Variants in DYNC1I1 observed in about 807,000 individuals in gnomAD.
DYNC1I1 encodes the protein dynein cytoplasmic 1 intermediate chain 1, also known as cytoplasmic dynein 1 intermediate chain 1.
Under a neutral mutation model 86.6 loss-of-function variants are expected in DYNC1I1, and 43 were observed. That is an observed-to-expected ratio of 0.50 (90% CI 0.39 to 0.64). DYNC1I1 has a LOEUF of 0.64. DYNC1I1 is among the 30% of genes least tolerant of loss of function. The probability of loss-of-function intolerance (pLI) is 0.00; values close to 1 mark genes in which losing one functional copy is unlikely to be tolerated. For synonymous variants in DYNC1I1, 262 were observed against 283.7 expected (o/e 0.92, Z 0.77); for missense variants, 604 against 788.8 (o/e 0.77, Z 2.81).
chr7:95,815,265 T>C (rs910454776), intron 4 of DYNC1I1, among the ~76,000 whole-genome samples: 1 of 152,198 alleles, frequency 6.6e-6, no homozygotes, highest in African/African-American at 2.4e-5. Flanking sequence ...TGAATCACTT[T>C]GGAAGAGGTG....
chr7:96,032,528 C>A, intron 11 of DYNC1I1, 139 bp from the exon 12 acceptor site: 1 of 619,706 alleles, frequency 1.6e-6, no homozygotes. Context: ...AAATCAAAAG[C>A]GGCAAATGAC....
chr7:95,926,543 T>A (rs1791751197), intron 6 of DYNC1I1, among the ~76,000 whole-genome samples: 1 of 152,218 alleles, frequency 6.6e-6, no homozygotes, highest in East Asian at 1.9e-4. Context: ...AGGGTTTTGT[T>A]TTTTATTTTT....
At chr7:95,804,136 C>G in intron 1 of DYNC1I1, 1 of 200,564 alleles carries the variant, frequency 5.0e-6, no homozygotes, top group Admixed American at 5.6e-5. Context: ...TGTGACACTT[C>G]AGGAGTTTTA....
intron 10 of DYNC1I1, among the ~76,000 whole-genome samples, chr7:96,026,944 G>C (rs910960983): frequency 2.0e-5 from 3 of 152,272 alleles, no homozygotes; most frequent in African/African-American, 2.4e-5. Context: ...ATTCAAGGCT[G>C]CTACTTGGGT....
intron 14 of DYNC1I1, among the ~76,000 whole-genome samples, chr7:96,058,941 G>A (rs1005845131): frequency 2.0e-5 from 3 of 151,780 alleles, no homozygotes; most frequent in African/African-American, 7.3e-5. Flanking sequence ...ACCGCACCTG[G>A]CCAGTTAATT....
chr7:96,072,317 T>C (rs1022677190), intron 14 of DYNC1I1, among the ~76,000 whole-genome samples: 4 of 152,228 alleles, frequency 2.6e-5, no homozygotes, highest in Non-Finnish European at 5.9e-5. Context: ...TTCATTGACA[T>C]GTACCACACG....
At chr7:95,914,783 T>A (rs1791425044) in intron 6 of DYNC1I1, among the ~76,000 whole-genome samples, 1 of 152,244 alleles carries the variant, frequency 6.6e-6, no homozygotes, top group East Asian at 1.9e-4. Context: ...CTAGTCTGAA[T>A]TCTCCCGGCT....
chr7:95,905,701 CT>C (rs200103877), intron 6 of DYNC1I1, among the ~76,000 whole-genome samples: 170 of 142,820 alleles, frequency 1.2e-3, no homozygotes, highest in African/African-American at 1.7e-3. Context: ...TGTGTCTGGG[CT>C]TTTTTTTTTT....
intron 1 of DYNC1I1, among the ~76,000 whole-genome samples, chr7:95,793,944 A>C (rs1251408906): frequency 6.6e-6 from 1 of 152,184 alleles, no homozygotes; most frequent in Non-Finnish European, 1.5e-5. Context: ...CTTGAGATGG[A>C]GCAGCTCCTT....
intron 5 of DYNC1I1, among the ~76,000 whole-genome samples, chr7:95,846,189 C>T (rs1035348193): frequency 1.3e-5 from 2 of 152,086 alleles, no homozygotes; most frequent in African/African-American, 4.8e-5. Flanking sequence ...GGAGAAAACA[C>T]ACTTCTGTAC....
chr7:96,042,933 G>A lies in DYNC1I1; in HGVS notation c.1509+3512G>A, dbSNP rs944695286. ...TCCCAGCACTTTGGGAGGCTGAGGC[G>A]GGTGGATCACGAGGTCAGAAGATCG... On this transcript the variant is annotated intron_variant, in intron 14 of 16. Transcript: ENST00000447467. 1.2e-4 allele frequency among the ~76,000 whole-genome samples: 18 copies of A among 152,116 alleles called. 1 individual carries two copies. Among genetic ancestry groups the A allele is most frequent in the Admixed American group, 7.2e-4 (11 of 15,274 alleles).
At position 96,106,973 on chromosome 7, in the gene DYNC1I1, C is replaced by G. The variant is rs537549200; in HGVS notation, c.1543-3006C>G. On this transcript the variant is annotated intron_variant, in intron 16 of 16. Coordinates refer to the DYNC1I1 transcript ENST00000537881. Reference sequence around the variant, plus strand: ...TTATTGAGAAGGTGATGTTAAAATACAAACTACAGTTGTGAATTTGTCTAT... The same window carrying G: ...TTATTGAGAAGGTGATGTTAAAATAGAAACTACAGTTGTGAATTTGTCTAT... Among the ~76,000 whole-genome samples, 7 of 151,930 alleles carry G rather than the reference C, an allele frequency of 4.6e-5. No homozygotes were observed. In the East Asian group the frequency reaches 1.4e-3, roughly 29 times the overall value.
At chr7:95,887,970 G>A (rs138599074) in intron 6 of DYNC1I1, among the ~76,000 whole-genome samples, 2,294 of 152,280 alleles carry the variant, frequency 0.015, 32 homozygotes, top group Non-Finnish European at 0.024. Flanking sequence ...AGTGGTGACA[G>A]TGGCCTTGAT....
intron 2 of DYNC1I1, among the ~76,000 whole-genome samples, chr7:95,808,223 T>A (rs1794746779): frequency 6.6e-6 from 1 of 152,144 alleles, no homozygotes; most frequent in African/African-American, 2.4e-5. Context: ...TAGTCTTGAT[T>A]TTTATAAACT....
At chr7:96,056,155 G>A (rs1789571890) in intron 14 of DYNC1I1, 1 of 152,002 alleles carries the variant, frequency 6.6e-6, no homozygotes, top group Non-Finnish European at 1.5e-5. Flanking sequence ...TGCCTGGTTG[G>A]TTTGATTTTT....
chr7:95,875,663 T>A (rs1352280483), intron 6 of DYNC1I1, among the ~76,000 whole-genome samples: 1 of 152,214 alleles, frequency 6.6e-6, no homozygotes, highest in African/African-American at 2.4e-5. Flanking sequence ...GATGAGGGAC[T>A]CTGGCCTTGT....
At chr7:96,056,409 T>C (rs1789578673) in intron 14 of DYNC1I1, among the ~76,000 whole-genome samples, 1 of 152,138 alleles carries the variant, frequency 6.6e-6, no homozygotes, top group Non-Finnish European at 1.5e-5. Context: ...CTCCTCCAGC[T>C]CCACTCAAGA....
intron 13 of DYNC1I1, among the ~76,000 whole-genome samples, chr7:96,038,653 A>T (rs1219678250): frequency 6.6e-6 from 1 of 152,230 alleles, no homozygotes; most frequent in Non-Finnish European, 1.5e-5. Context: ...TTTACAGTGG[A>T]TATGTAAATC....
intron 5 of DYNC1I1, among the ~76,000 whole-genome samples, chr7:95,833,876 A>T (rs1788995152): frequency 6.7e-6 from 1 of 149,948 alleles, no homozygotes; most frequent in Non-Finnish European, 1.5e-5. Context: ...TTGGGCTGAG[A>T]CAATGGGGTT....
Sources: allele counts gnomAD v4.1 joint callset (sites outside exome capture counted in the v4.1 genomes callset), GRCh38; gene constraint gnomAD v4.1.1; transcripts MANE v1.5; gene names NCBI Gene and HGNC (gene_info 2026-07-23, HGNC 2026-07-21).